Variants in MYO9A observed in about 807,000 individuals in gnomAD.
MYO9A encodes unconventional myosin-IXa.
Under a neutral mutation model 293.3 loss-of-function variants are expected in MYO9A, and 103 were observed. The observed-to-expected ratio is 0.35, with a 90% CI of 0.30 to 0.41. MYO9A has a LOEUF of 0.41. MYO9A is among the 10% of genes least tolerant of loss of function. The pLI, the probability that MYO9A is intolerant of heterozygous loss-of-function variation, is 1.00. For missense variants in MYO9A, 2,685 were observed against 3,033.0 expected, an observed-to-expected ratio of 0.89 and a Z score of 2.69; for synonymous variants, 1,001 against 1,035.7, an observed-to-expected ratio of 0.97 and a Z score of 0.64.
At chr15:72,014,749 GGAAAGAAA>G (rs751941930) in intron 6 of MYO9A, among the ~76,000 whole-genome samples, 44 of 143,400 alleles carry the variant, frequency 3.1e-4, no homozygotes, top group African/African-American at 8.7e-4. Context: ...GAGAAAGAAA[GGAAAGAAA>G]GAAAGAAAGA....
At chr15:71,873,963 A>G (rs1229344423) in intron 32 of MYO9A, among the ~76,000 whole-genome samples, 1 of 152,224 alleles carries the variant, frequency 6.6e-6, no homozygotes, top group East Asian at 1.9e-4. Context: ...GGTGGGTGGC[A>G]TTATTCCTGC....
At chr15:71,828,061 A>G in intron 40 of MYO9A, 35 bp from the exon 41 acceptor site, 1 of 1,597,034 alleles carries the variant, frequency 6.3e-7, no homozygotes. Flanking sequence ...TTAGCATTTG[A>G]TAGGAAGTGG....
chr15:71,928,057 T>TATATATATATATTATTATTA (rs1491302118), intron 18 of MYO9A, among the ~76,000 whole-genome samples: 1 of 4,508 alleles, frequency 2.2e-4, no homozygotes, highest in African/African-American at 5.2e-4. Context: ...TATATATATA[T>TATATATATATATTATTATTA]TTTTTTTTTT....
At chr15:72,060,418 A>G (rs1240568895) in intron 1 of MYO9A, among the ~76,000 whole-genome samples, 1 of 152,096 alleles carries the variant, frequency 6.6e-6, no homozygotes, top group Non-Finnish European at 1.5e-5. Context: ...AAAAATAAAT[A>G]AAAAATAAAA....
Position 72,094,251 on chromosome 15 carries a change from A to AGAG in MYO9A, c.-72+23426_-72+23428dup, listed in dbSNP as rs1313274359. Among the ~76,000 whole-genome samples the AGAG allele has an allele frequency of 1.0e-3, 90 of 88,638 alleles. 18 individuals carry two copies. The highest frequency in any genetic ancestry group is 8.9e-3 in the East Asian group (36 of 4,030). 58.1% of individuals were successfully genotyped at this position (88,638 alleles called of 152,430 possible). On this transcript the variant is annotated intron_variant, in intron 1 of 41. Coordinates refer to ENST00000356056, the MANE Select transcript of MYO9A (RefSeq NM_006901.4). ...AGGAAGGAGGAAGAAGAAAGAAGGA[A>AGAG]GAGGAGGAGGAGGAGGAGGAATAAA...
chr15:72,030,405 C>T (rs2077824977), intron 3 of MYO9A, among the ~76,000 whole-genome samples: 1 of 152,168 alleles, frequency 6.6e-6, no homozygotes, highest in Non-Finnish European at 1.5e-5. Context: ...TAGCCCCCTT[C>T]CACTTTATTC....
intron 22 of MYO9A, among the ~76,000 whole-genome samples, chr15:71,902,681 G>T (rs2057519807): frequency 6.6e-6 from 1 of 152,116 alleles, no homozygotes; most frequent in Non-Finnish European, 1.5e-5. Context: ...GGTCACCTTG[G>T]GCAAGCTGGC....
chr15:72,057,275 A>G (rs1270380354), intron 1 of MYO9A, among the ~76,000 whole-genome samples: 1 of 152,188 alleles, frequency 6.6e-6, no homozygotes, highest in Non-Finnish European at 1.5e-5. Flanking sequence ...TCTCAAAAAT[A>G]AAAATTAAAA....
intron 18 of MYO9A, among the ~76,000 whole-genome samples, chr15:71,923,261 G>A (rs570624243): frequency 3.9e-5 from 6 of 152,232 alleles, no homozygotes; most frequent in African/African-American, 1.2e-4. Flanking sequence ...ATGTGCTATT[G>A]AATTTAGTTT....
intron 18 of MYO9A, among the ~76,000 whole-genome samples, chr15:71,926,093 G>A (rs1343384468): frequency 1.3e-5 from 2 of 152,142 alleles, no homozygotes; most frequent in Non-Finnish European, 2.9e-5. Context: ...TTTGGTTCTA[G>A]GTAGGTGCAG....
At chr15:71,827,367 C>T (rs75355947) in intron 41 of MYO9A, among the ~76,000 whole-genome samples, 1,887 of 151,676 alleles carry the variant, frequency 0.012, 22 homozygotes, top group Non-Finnish European at 0.019. Flanking sequence ...TAAACACCTC[C>T]TTTGTATATG....
chr15:72,090,217 G>A (rs1043669231), intron 1 of MYO9A, among the ~76,000 whole-genome samples: 1 of 152,068 alleles, frequency 6.6e-6, no homozygotes, highest in Non-Finnish European at 1.5e-5. Context: ...AGCTCTTTAA[G>A]CTTCTCTAAG....
At chr15:71,957,025 C>T (rs1260544677) in intron 14 of MYO9A, among the ~76,000 whole-genome samples, 1 of 152,002 alleles carries the variant, frequency 6.6e-6, no homozygotes, top group African/African-American at 2.4e-5. Context: ...GTTGTCTCTA[C>T]TTGTTGGCTA....
chr15:71,912,261 T>G (rs565220198), intron 19 of MYO9A, among the ~76,000 whole-genome samples: 6 of 152,122 alleles, frequency 3.9e-5, no homozygotes, highest in South Asian at 2.1e-4. Context: ...GAGAAAAGTT[T>G]TTTTTTTTTT....
At chr15:72,038,323 A>C (rs998931465) in intron 2 of MYO9A, among the ~76,000 whole-genome samples, 9 of 152,204 alleles carry the variant, frequency 5.9e-5, no homozygotes, top group Non-Finnish European at 1.2e-4. Context: ...GCTATACAAC[A>C]CAGTGTTATT....
At chr15:71,936,187 C>T (rs2145908259) in intron 16 of MYO9A, among the ~76,000 whole-genome samples, 1 of 152,080 alleles carries the variant, frequency 6.6e-6, no homozygotes, top group South Asian at 2.1e-4. Flanking sequence ...ACATAGAGTA[C>T]ATTATGTTAA....
chr15:72,104,942 AT>A (rs968733976), intron 1 of MYO9A, among the ~76,000 whole-genome samples: 2 of 152,252 alleles, frequency 1.3e-5, no homozygotes, highest in Non-Finnish European at 2.9e-5. Context: ...GTATCCTTAC[AT>A]GAAAACATTC....
At chr15:72,052,181 C>A (rs1213735464) in intron 1 of MYO9A, among the ~76,000 whole-genome samples, 2 of 152,192 alleles carry the variant, frequency 1.3e-5, no homozygotes, top group African/African-American at 4.8e-5. Flanking sequence ...AAGCTACCCA[C>A]CCCAGGGTCT....
chr15:72,038,647 TAAATGGA>T (rs2078133949), intron 2 of MYO9A, among the ~76,000 whole-genome samples: 1 of 151,854 alleles, frequency 6.6e-6, no homozygotes, highest in African/African-American at 2.4e-5. Context: ...ACCAGTAGGG[TAAATGGA>T]AACAGCCATC....
Sources: gnomAD v4.1 joint callset for allele counts (sites outside exome capture counted in the v4.1 genomes callset) on GRCh38, gnomAD v4.1.1 for gene constraint, MANE v1.5 for transcripts, NCBI Gene and HGNC (gene_info 2026-07-23, HGNC 2026-07-21) for gene names.